RREB1: variants seen among roughly 807,000 people sequenced by gnomAD.
RREB1 encodes the protein ras-responsive element-binding protein 1.
A neutral mutation model predicts 117.8 loss-of-function variants in RREB1; 27 were observed. That is an observed-to-expected ratio of 0.23 (90% CI 0.17 to 0.32). RREB1 has a LOEUF of 0.32. Ranked by LOEUF, RREB1 falls within the 10% of genes least tolerant of loss-of-function variation. RREB1 has a pLI of 1.00. For synonymous variants in RREB1, 1,298 were observed against 1,026.7 expected (o/e 1.26, Z -5.05); for missense variants, 2,577 against 2,378.2 (o/e 1.08, Z -1.74).
At position 7,158,879 on chromosome 6, in the gene RREB1, C is replaced by G. The variant is rs569080745; in HGVS notation, c.-284-17776C>G. On this transcript the variant is annotated intron_variant, in intron 1 of 12. Transcript: ENST00000379938. ...TTTTTCAGACTCTTTTTTTTTTAAA[C>G]CTTGATAGCTTAAAGGCCAGGAAAA... Among the ~76,000 whole-genome samples, 5 of 151,066 alleles carry G rather than the reference C, an allele frequency of 3.3e-5. No homozygotes were observed. The East Asian group carries it at 7.8e-4, about 23-fold the overall frequency.
At chr6:7,177,092 G>A (rs545204952) in intron 2 of RREB1, among the ~76,000 whole-genome samples, 1 of 151,986 alleles carries the variant, frequency 6.6e-6, no homozygotes, top group African/African-American at 2.4e-5. Context: ...GGTGGTGCGT[G>A]CCTGTAATCC....
In RREB1 at chr6:7,249,227, G is replaced by A. The variant is rs78588343; in HGVS notation, c.*259G>A. The A allele has an allele frequency of 0.13, 56,247 of 438,608 alleles. 4,639 individuals are homozygous for A. The highest frequency in any genetic ancestry group is 0.16 in the Non-Finnish European group (40,715 of 248,290). The allele number at this position is 438,608 out of a possible 1,614,324, so 27.2% of individuals were successfully genotyped here. A position where few individuals can be genotyped will look rare whatever the true frequency, so the allele number is the denominator to read the frequency against. On this transcript the variant is annotated 3_prime_UTR_variant, in exon 13 of 13. Coordinates refer to ENST00000379938, the MANE Select transcript of RREB1 (RefSeq NM_001003699.4). The stretch of plus-strand genomic sequence containing the variant: ...CGGATCCCTCCATATTATCATGGGT[G>A]TTGTATTTTTCCAAAATGACTTCTT...
At chr6:7,177,636 G>A (rs1438636173) in intron 2 of RREB1, among the ~76,000 whole-genome samples, 1 of 152,154 alleles carries the variant, frequency 6.6e-6, no homozygotes, top group African/African-American at 2.4e-5. Context: ...CTGGGCTCCT[G>A]TGATCCTCCC....
chr6:7,242,646 C>CCG (rs1768776817), intron 11 of RREB1, among the ~76,000 whole-genome samples: 6 of 151,582 alleles, frequency 4.0e-5, no homozygotes, highest in Non-Finnish European at 7.4e-5. Flanking sequence ...CTGGGTTCCC[C>CCG]CCCCCCAGTG....
intron 8 of RREB1, among the ~76,000 whole-genome samples, chr6:7,221,804 TG>T (rs1162214124): frequency 2.6e-5 from 4 of 152,196 alleles, no homozygotes; most frequent in Admixed American, 1.3e-4. Flanking sequence ...TAAGGACGAT[TG>T]TGAAGTTCTT....
At chr6:7,130,566 C>T (rs989091347) in intron 1 of RREB1, among the ~76,000 whole-genome samples, 1 of 152,004 alleles carries the variant, frequency 6.6e-6, no homozygotes, top group Non-Finnish European at 1.5e-5. Flanking sequence ...ATGGGGTTCA[C>T]TAGTGAAAGC....
At chr6:7,112,601 T>TAAA (rs1466682425) in intron 1 of RREB1, among the ~76,000 whole-genome samples, 4 of 151,986 alleles carry the variant, frequency 2.6e-5, no homozygotes, top group East Asian at 3.9e-4. Context: ...ATATCAAAGG[T>TAAA]AAAAGGTACA....
chr6:7,133,464 G>T (rs1762235248), intron 1 of RREB1, among the ~76,000 whole-genome samples: 2 of 152,136 alleles, frequency 1.3e-5, no homozygotes, highest in South Asian at 4.1e-4. Flanking sequence ...GCACACCCGG[G>T]AAGTCCCAGC....
intron 10 of RREB1, among the ~76,000 whole-genome samples, chr6:7,232,466 C>T (rs1768057569): frequency 6.6e-6 from 1 of 152,162 alleles, no homozygotes; most frequent in Non-Finnish European, 1.5e-5. Context: ...GTCACATCTT[C>T]CCCTGTTGAT....
chr6:7,248,477 T>C, intron 12 of RREB1, 34 bp from the exon 13 acceptor site: 3 of 1,593,686 alleles, frequency 1.9e-6, no homozygotes, highest in Non-Finnish European at 2.6e-6. Flanking sequence ...TGGTGCCTTT[T>C]GGTTAATGGA....
intron 6 of RREB1, among the ~76,000 whole-genome samples, chr6:7,201,504 C>G (rs372224128): frequency 1.4e-3 from 197 of 142,784 alleles, no homozygotes; most frequent in African/African-American, 4.7e-3. Context: ...TCCCCCCCCC[C>G]CAACCCCCAT....
intron 1 of RREB1, among the ~76,000 whole-genome samples, chr6:7,114,977 A>T (rs907091326): frequency 2.1e-5 from 3 of 140,454 alleles, no homozygotes; most frequent in East Asian, 3.9e-4. Flanking sequence ...GTTCTAAGTT[A>T]TGTGGAGTAT....
At chr6:7,140,836 T>TG (rs1333830919) in intron 1 of RREB1, 1 of 152,326 alleles carries the variant, frequency 6.6e-6, no homozygotes, top group African/African-American at 2.4e-5. Flanking sequence ...AGGCTTCGTG[T>TG]GGTGGCTCGC....
rs1430380723 is a variant in RREB1, at chr6:7,196,598, ATTTAC to A, written c.425+7279_425+7283del. 5.3e-5 allele frequency among the ~76,000 whole-genome samples: 8 copies of A among 152,244 alleles called. No homozygotes were observed. The East Asian group carries it at 1.5e-3, about 29-fold the overall frequency. Reference sequence around the variant, plus strand: ...TACTATACTTTTTTCTAGTAAATAAATTTACTTGATCTTTTAAAAGTAATTATATT... The same window carrying A: ...TACTATACTTTTTTCTAGTAAATAAATTGATCTTTTAAAAGTAATTATATT... On this transcript the variant is annotated intron_variant, in intron 6 of 12. Coordinates refer to ENST00000379938, the MANE Select transcript of RREB1 (RefSeq NM_001003699.4).
intron 1 of RREB1, among the ~76,000 whole-genome samples, chr6:7,141,886 C>T (rs1033182524): frequency 6.6e-6 from 1 of 152,184 alleles, no homozygotes; most frequent in Non-Finnish European, 1.5e-5. Flanking sequence ...TGGATAATTG[C>T]CTCTCCTTTC....
chr6:7,194,862 T>C (rs1458150427), intron 6 of RREB1, among the ~76,000 whole-genome samples: 1 of 152,202 alleles, frequency 6.6e-6, no homozygotes, highest in Admixed American at 6.5e-5. Context: ...AATGACAATC[T>C]AAGGAAGTGT....
At chr6:7,157,000 C>T (rs1581465059) in intron 1 of RREB1, among the ~76,000 whole-genome samples, 1 of 152,322 alleles carries the variant, frequency 6.6e-6, no homozygotes, top group African/African-American at 2.4e-5. Context: ...AGGACTTTGT[C>T]TGTCTGACTG....
chr6:7,126,123 T>C (rs1761900496), intron 1 of RREB1, among the ~76,000 whole-genome samples: 1 of 152,036 alleles, frequency 6.6e-6, no homozygotes, highest in Non-Finnish European at 1.5e-5. Flanking sequence ...TGCCTCAGCC[T>C]CCTGAGTAGC....
At chr6:7,238,682 TG>T (rs1768498100) in intron 10 of RREB1, among the ~76,000 whole-genome samples, 2 of 152,112 alleles carry the variant, frequency 1.3e-5, no homozygotes, top group Admixed American at 1.3e-4. Flanking sequence ...AAACAGTCAG[TG>T]GGGTTCTCCA....
Sources: allele counts gnomAD v4.1 joint callset (sites outside exome capture counted in the v4.1 genomes callset), GRCh38; gene constraint gnomAD v4.1.1; transcripts MANE v1.5; gene names NCBI Gene and HGNC (gene_info 2026-07-23, HGNC 2026-07-21).